The following CADM2 variants were observed in gnomAD, a reference collection of about 807,000 sequenced individuals.
CADM2 encodes the protein immunoglobulin superfamily member 4D.
In CADM2, 12 loss-of-function variants were observed where a neutral mutation model predicts 49.8. The observed-to-expected ratio is 0.24, with a 90% CI of 0.15 to 0.39. The LOEUF is 0.39. CADM2 is among the 10% of genes least tolerant of loss of function. The probability of loss-of-function intolerance (pLI) is 1.00; values close to 1 mark genes in which losing one functional copy is unlikely to be tolerated. For synonymous variants in CADM2, 214 were observed against 175.4 expected (o/e 1.22, Z -1.74); for missense variants, 378 against 492.3 (o/e 0.77, Z 2.20).
At chr3:85,997,600 T>G (rs1408672135) in intron 8 of CADM2, among the ~76,000 whole-genome samples, 1 of 152,224 alleles carries the variant, frequency 6.6e-6, no homozygotes, top group Non-Finnish European at 1.5e-5. Context: ...AGTGAATTTT[T>G]TATCCCACTA....
chr3:85,771,784 C>T (rs2070101304), intron 2 of CADM2, among the ~76,000 whole-genome samples: 1 of 151,992 alleles, frequency 6.6e-6, no homozygotes, highest in Non-Finnish European at 1.5e-5. Context: ...ATATGTTTTT[C>T]TTCAAGTTCC....
intron 1 of CADM2, among the ~76,000 whole-genome samples, chr3:85,651,759 A>G (rs2065047389): frequency 6.6e-6 from 1 of 151,940 alleles, no homozygotes; most frequent in Non-Finnish European, 1.5e-5. Context: ...CCCTTGGTTT[A>G]CAATACATAA....
intron 1 of CADM2, among the ~76,000 whole-genome samples, chr3:85,554,540 A>G (rs1404491292): frequency 1.3e-5 from 2 of 152,214 alleles, no homozygotes; most frequent in Non-Finnish European, 2.9e-5. Context: ...TCTTTTCAAA[A>G]TCAGCATTAA....
At chr3:86,048,250 A>G (rs1736905254) in intron 8 of CADM2, among the ~76,000 whole-genome samples, 1 of 152,046 alleles carries the variant, frequency 6.6e-6, no homozygotes, top group Non-Finnish European at 1.5e-5. Flanking sequence ...TTGTACATGT[A>G]TATACGTGTG....
chr3:85,125,173 G>T (rs974566652), intron 1 of CADM2, among the ~76,000 whole-genome samples: 2 of 152,114 alleles, frequency 1.3e-5, no homozygotes, highest in African/African-American at 4.8e-5. Context: ...GTTTTATTTT[G>T]TTATCAAAGC....
chr3:85,595,166 C>T lies in CADM2; in HGVS notation c.62-131356C>T, dbSNP rs202147061. The stretch of plus-strand genomic sequence containing the variant: ...GCATTTCAGTACTGAAGTGTCTATT[C>T]AAATCATTCTTAGGGCTGAACAGAG... On this transcript the variant is annotated intron_variant, in intron 1 of 9. Coordinates refer to ENST00000383699, the MANE Select transcript of CADM2 (RefSeq NM_001167675.2). Among the ~76,000 whole-genome samples the T allele has an allele frequency of 3.9e-5, 6 of 151,930 alleles. No individual in the cohort carries two copies. In the East Asian group the frequency reaches 1.2e-3, roughly 29 times the overall value.
intron 1 of CADM2, among the ~76,000 whole-genome samples, chr3:85,045,300 G>A (rs2035610534): frequency 6.6e-6 from 1 of 152,106 alleles, no homozygotes; most frequent in South Asian, 2.1e-4. Flanking sequence ...TCTGTGTTAT[G>A]TATGAGTTAC....
intron 5 of CADM2, among the ~76,000 whole-genome samples, chr3:85,907,323 T>C (rs1425057890): frequency 6.6e-6 from 1 of 152,182 alleles, no homozygotes; most frequent in African/African-American, 2.4e-5. Flanking sequence ...AAAATACTAG[T>C]AAAGTTCAAG....
chr3:85,359,333 G>A (rs557642460), intron 1 of CADM2, among the ~76,000 whole-genome samples: 1 of 151,868 alleles, frequency 6.6e-6, no homozygotes, highest in Non-Finnish European at 1.5e-5. Flanking sequence ...GCTGGACAGA[G>A]AAATTTTGAA....
intron 1 of CADM2, among the ~76,000 whole-genome samples, chr3:85,647,508 A>G (rs957883409): frequency 6.6e-6 from 1 of 151,822 alleles, no homozygotes; most frequent in Non-Finnish European, 1.5e-5. Context: ...CCTTTACAAT[A>G]CACACTAAAG....
chr3:85,145,156 G>T (rs1020842343), intron 1 of CADM2, among the ~76,000 whole-genome samples: 10 of 152,106 alleles, frequency 6.6e-5, no homozygotes, highest in African/African-American at 2.4e-4. Flanking sequence ...TGTTTTTAAA[G>T]GTTTAATTCA....
chr3:85,650,496 T>C (rs1402649065), intron 1 of CADM2, among the ~76,000 whole-genome samples: 1 of 133,760 alleles, frequency 7.5e-6, no homozygotes, highest in Non-Finnish European at 1.6e-5. Context: ...ATATTATATT[T>C]TAAGTGATCA....
intron 1 of CADM2, among the ~76,000 whole-genome samples, chr3:85,659,326 C>A (rs2065323974): frequency 6.6e-6 from 1 of 151,714 alleles, no homozygotes; most frequent in Non-Finnish European, 1.5e-5. Context: ...TTTTTGCTGC[C>A]TGATACATTG....
At chr3:85,537,151 T>G (rs1473621141) in intron 1 of CADM2, among the ~76,000 whole-genome samples, 2 of 152,128 alleles carry the variant, frequency 1.3e-5, no homozygotes, top group African/African-American at 4.8e-5. Context: ...AACAGTATAC[T>G]TAGTTCTCAG....
At chr3:85,494,152 G>A (rs2039788914) in intron 1 of CADM2, among the ~76,000 whole-genome samples, 2 of 152,214 alleles carry the variant, frequency 1.3e-5, no homozygotes, top group African/African-American at 4.8e-5. Flanking sequence ...ATTCAATTAT[G>A]TAGTATTCAT....
chr3:85,741,017 T>C (rs1040532131), intron 2 of CADM2, among the ~76,000 whole-genome samples: 1 of 152,184 alleles, frequency 6.6e-6, no homozygotes, highest in Non-Finnish European at 1.5e-5. Context: ...CAGGCACTTT[T>C]ATGTTTCCAA....
At chr3:85,257,543 T>G (rs1686663857) in intron 1 of CADM2, among the ~76,000 whole-genome samples, 1 of 152,110 alleles carries the variant, frequency 6.6e-6, no homozygotes, top group Non-Finnish European at 1.5e-5. Flanking sequence ...ATTCTTCAAA[T>G]TTTGAAGGTA....
intron 1 of CADM2, among the ~76,000 whole-genome samples, chr3:85,508,989 A>G (rs933489116): frequency 6.6e-6 from 1 of 152,280 alleles, no homozygotes; most frequent in East Asian, 1.9e-4. Context: ...AATTCTGTGA[A>G]TATATTAAAT....
At chr3:85,498,790 G>A (rs1031547112) in intron 1 of CADM2, among the ~76,000 whole-genome samples, 1 of 152,070 alleles carries the variant, frequency 6.6e-6, no homozygotes, top group Admixed American at 6.5e-5. Flanking sequence ...TTCCCAATGA[G>A]CAATGGCTTT....
Sources: allele counts gnomAD v4.1 joint callset (sites outside exome capture counted in the v4.1 genomes callset), GRCh38; gene constraint gnomAD v4.1.1; transcripts MANE v1.5; gene names NCBI Gene and HGNC (gene_info 2026-07-23, HGNC 2026-07-21).